TTC28: variants seen among roughly 807,000 people sequenced by gnomAD.
TTC28 encodes tetratricopeptide repeat domain 28, also known as tetratricopeptide repeat protein 28.
Under a neutral mutation model 198.0 loss-of-function variants are expected in TTC28, and 61 were observed. The ratio of observed to expected loss-of-function variants is 0.31; its 90% confidence interval spans 0.25 to 0.38. The LOEUF is 0.38. Among genes scored for constraint, TTC28 ranks in the 10% least tolerant of loss-of-function variants. The probability of loss-of-function intolerance (pLI) is 1.00; values close to 1 mark genes in which losing one functional copy is unlikely to be tolerated. For missense variants in TTC28, 2,678 were observed against 3,164.0 expected, an observed-to-expected ratio of 0.85 and a Z score of 3.69; for synonymous variants, 1,171 against 1,297.8, an observed-to-expected ratio of 0.90 and a Z score of 2.10.
chr22:28,448,030 A>G (rs975155154), intron 2 of TTC28, among the ~76,000 whole-genome samples: 13 of 152,224 alleles, frequency 8.5e-5, no homozygotes, highest in Non-Finnish European at 4.4e-5. Flanking sequence ...CAGAATTACT[A>G]TTGTATCAAT....
At chr22:28,133,611 T>G (rs757596171) in intron 6 of TTC28, among the ~76,000 whole-genome samples, 1 of 152,164 alleles carries the variant, frequency 6.6e-6, no homozygotes, top group Non-Finnish European at 1.5e-5. Context: ...CCTCCCTCAT[T>G]GCTAGCACAG....
intron 12 of TTC28, among the ~76,000 whole-genome samples, chr22:28,087,991 C>T (rs1390052087): frequency 6.6e-6 from 1 of 152,110 alleles, no homozygotes; most frequent in Non-Finnish European, 1.5e-5. Flanking sequence ...AACTAGAAAC[C>T]ACTGCTCAAT....
chr22:28,522,631 G>T (rs941851076), intron 2 of TTC28, among the ~76,000 whole-genome samples: 1 of 152,084 alleles, frequency 6.6e-6, no homozygotes, highest in African/African-American at 2.4e-5. Flanking sequence ...ACAGATTAGT[G>T]ATGAACTAAA....
chr22:28,025,271 A>C (rs1402974004), intron 13 of TTC28, among the ~76,000 whole-genome samples: 1 of 152,200 alleles, frequency 6.6e-6, no homozygotes, highest in Non-Finnish European at 1.5e-5. Flanking sequence ...GGAGAGAAAG[A>C]AACTACTTAC....
chr22:28,329,831 A>G (rs978116102), intron 2 of TTC28, among the ~76,000 whole-genome samples: 1 of 152,214 alleles, frequency 6.6e-6, no homozygotes, highest in Non-Finnish European at 1.5e-5. Context: ...GGAGGATGAC[A>G]AATTGAAACA....
chr22:28,531,422 AC>A (rs1251704877), intron 2 of TTC28, among the ~76,000 whole-genome samples: 2 of 152,194 alleles, frequency 1.3e-5, no homozygotes, highest in Non-Finnish European at 2.9e-5. Context: ...GTCCTTAGAG[AC>A]CTACAAAGAG....
rs181933325 is a variant in TTC28, at chr22:28,032,099, C to T, written c.3933-1733G>A. Among the ~76,000 whole-genome samples, 50 of 148,656 alleles carry T rather than the reference C, an allele frequency of 3.4e-4. No homozygotes were observed. The East Asian group carries it at 8.2e-3, about 25-fold the overall frequency. Reference sequence around the variant, plus strand: ...TGAACCAATTCCTTATAATAAGTTTCCTTTATCTCTTTATAAAAATAAATA... The same window carrying T: ...TGAACCAATTCCTTATAATAAGTTTTCTTTATCTCTTTATAAAAATAAATA... On this transcript the variant is annotated intron_variant, in intron 12 of 22. Transcript: ENST00000397906.
chr22:28,535,138 A>G (rs530586679), intron 2 of TTC28, among the ~76,000 whole-genome samples: 1 of 152,200 alleles, frequency 6.6e-6, no homozygotes, highest in East Asian at 1.9e-4. Context: ...GTTGCCAAGT[A>G]TATTTAAAAA....
intron 2 of TTC28, among the ~76,000 whole-genome samples, chr22:28,545,752 G>C (rs568803695): frequency 6.6e-6 from 1 of 152,126 alleles, no homozygotes; most frequent in South Asian, 2.1e-4. Context: ...AACATGAAAT[G>C]TTTAACAATA....
chr22:28,660,140 A>G (rs979098903), intron 1 of TTC28, among the ~76,000 whole-genome samples: 3 of 152,194 alleles, frequency 2.0e-5, no homozygotes, highest in Admixed American at 6.5e-5. Flanking sequence ...TCAGGAAATT[A>G]TATCTTTATT....
In TTC28 at chr22:27,999,350, T is replaced by C. The variant is rs1298517688; in HGVS notation, c.4399-90A>G. 3.4e-6 allele frequency: 5 copies of C among 1,450,728 alleles called. No homozygotes were observed. The Admixed American group carries it at 1.3e-4, about 38-fold the overall frequency. 89.9% of individuals were successfully genotyped at this position (1,450,728 alleles called of 1,614,324 possible). A position where few individuals can be genotyped will look rare whatever the true frequency, so the allele number is the denominator to read the frequency against. On this transcript the variant is annotated intron_variant, in intron 15 of 22. Transcript: ENST00000397906. ...TCGGCCGAGCACAGGGACGGCCAGC[T>C]CTCTGCTGGTTGAGCTTGAATCCAC...
At chr22:28,543,161 C>T (rs2049454352) in intron 2 of TTC28, among the ~76,000 whole-genome samples, 3 of 152,028 alleles carry the variant, frequency 2.0e-5, no homozygotes, top group Non-Finnish European at 4.4e-5. Flanking sequence ...ACAGCAAGAC[C>T]CCATCTCTAC....
At chr22:28,061,763 T>C (rs1310277280) in intron 12 of TTC28, among the ~76,000 whole-genome samples, 1 of 152,212 alleles carries the variant, frequency 6.6e-6, no homozygotes, top group Non-Finnish European at 1.5e-5. Flanking sequence ...AGAAAGTCAT[T>C]GGTAGCTTGA....
chr22:28,180,592 GC>G (rs1290516325), intron 5 of TTC28, among the ~76,000 whole-genome samples: 2 of 152,188 alleles, frequency 1.3e-5, no homozygotes, highest in Admixed American at 1.3e-4. Flanking sequence ...CCTAGTTTCA[GC>G]CCATCATTTG....
chr22:28,188,994 CAG>C (rs1332424523), intron 5 of TTC28, among the ~76,000 whole-genome samples: 8 of 151,688 alleles, frequency 5.3e-5, no homozygotes, highest in African/African-American at 1.7e-4. Flanking sequence ...AATGAACAAA[CAG>C]AAAAAAGGAA....
intron 12 of TTC28, among the ~76,000 whole-genome samples, chr22:28,044,776 C>T (rs1324765505): frequency 1.3e-5 from 2 of 152,174 alleles, no homozygotes; most frequent in African/African-American, 4.8e-5. Flanking sequence ...ATTTTTAACT[C>T]AGAAGCATTT....
At chr22:28,070,015 G>T (rs939173135) in intron 12 of TTC28, among the ~76,000 whole-genome samples, 2 of 151,338 alleles carry the variant, frequency 1.3e-5, no homozygotes, top group Non-Finnish European at 2.9e-5. Flanking sequence ...AACCCAGGTT[G>T]CTCATTCTGT....
At chr22:28,045,835 A>G (rs896763442) in intron 12 of TTC28, among the ~76,000 whole-genome samples, 1 of 152,150 alleles carries the variant, frequency 6.6e-6, no homozygotes, top group African/African-American at 2.4e-5. Flanking sequence ...GTGGTGGTGC[A>G]TGCCTGTGAT....
At chr22:28,190,517 A>C (rs1302702574) in intron 5 of TTC28, among the ~76,000 whole-genome samples, 2 of 152,184 alleles carry the variant, frequency 1.3e-5, no homozygotes, top group Non-Finnish European at 2.9e-5. Flanking sequence ...TCTACCTCTG[A>C]GGTATGTTAG....
Sources: gnomAD v4.1 joint callset for allele counts (sites outside exome capture counted in the v4.1 genomes callset) on GRCh38, gnomAD v4.1.1 for gene constraint, MANE v1.5 for transcripts, NCBI Gene and HGNC (gene_info 2026-07-23, HGNC 2026-07-21) for gene names.